Variants in FAM135B observed in about 807,000 individuals in gnomAD.
FAM135B encodes the protein family with sequence similarity 135 member B.
FAM135B carries 43 observed loss-of-function variants against 127.7 expected under a neutral mutation model. The observed-to-expected ratio is 0.34, with a 90% CI of 0.26 to 0.43. The LOEUF (loss-of-function observed/expected upper bound fraction) is 0.43. Among genes scored for constraint, FAM135B ranks in the 20% least tolerant of loss-of-function variants. The probability of loss-of-function intolerance (pLI) is 1.00; values close to 1 mark genes in which losing one functional copy is unlikely to be tolerated. For missense variants in FAM135B, 1,558 were observed against 1,725.6 expected (o/e 0.90, Z 1.72); for synonymous variants, 670 against 665.1 (o/e 1.01, Z -0.11).
At chr8:138,486,516 C>T (rs1166528676) in intron 1 of FAM135B, among the ~76,000 whole-genome samples, 3 of 152,136 alleles carry the variant, frequency 2.0e-5, no homozygotes, top group South Asian at 4.1e-4. Context: ...TTTGTTCTTC[C>T]GAGAATTGCC....
intron 18 of FAM135B, 89 bp from the exon 19 acceptor site, chr8:138,137,349 C>T (rs116180339): frequency 2.6e-6 from 2 of 755,584 alleles, no homozygotes; most frequent in African/African-American, 3.5e-5. Context: ...CCAGACTTGT[C>T]CTATAGAGAG....
chr8:138,185,779 G>A (rs1007512850), intron 9 of FAM135B, among the ~76,000 whole-genome samples: 3 of 152,170 alleles, frequency 2.0e-5, no homozygotes, highest in African/African-American at 7.2e-5. Context: ...CAGCAACATT[G>A]CTCTCCAGTT....
At chr8:138,143,479 C>G (rs1817391419) in intron 15 of FAM135B, among the ~76,000 whole-genome samples, 1 of 152,114 alleles carries the variant, frequency 6.6e-6, no homozygotes, top group South Asian at 2.1e-4. Context: ...TCACATGACC[C>G]AGCGTTCACA....
intron 2 of FAM135B, among the ~76,000 whole-genome samples, chr8:138,340,707 C>T (rs1828988339): frequency 6.6e-6 from 1 of 152,084 alleles, no homozygotes; most frequent in African/African-American, 2.4e-5. Flanking sequence ...CACATCCATC[C>T]CCTCCTCCCT....
intron 7 of FAM135B, among the ~76,000 whole-genome samples, chr8:138,198,176 G>A (rs890186814): frequency 1.3e-5 from 2 of 152,142 alleles, no homozygotes; most frequent in African/African-American, 4.8e-5. Flanking sequence ...TAAGTCTTAT[G>A]AGATCTGATG....
chr8:138,337,010 A>T (rs190300920), intron 2 of FAM135B, among the ~76,000 whole-genome samples: 27 of 152,356 alleles, frequency 1.8e-4, no homozygotes, highest in African/African-American at 6.3e-4. Flanking sequence ...CAAAAACCAT[A>T]TGATTATCTC....
intron 1 of FAM135B, among the ~76,000 whole-genome samples, chr8:138,415,183 T>A (rs1476170843): frequency 6.6e-6 from 1 of 152,148 alleles, no homozygotes; most frequent in Non-Finnish European, 1.5e-5. Flanking sequence ...TGAGGAGAAA[T>A]TCTTGATTTT....
intron 1 of FAM135B, among the ~76,000 whole-genome samples, chr8:138,483,976 T>C (rs1463567673): frequency 6.6e-6 from 1 of 152,232 alleles, no homozygotes; most frequent in East Asian, 1.9e-4. Context: ...AAAGAGCAGA[T>C]CTGCAATTTT....
At chr8:138,395,961 C>T (rs1017458157) in intron 1 of FAM135B, among the ~76,000 whole-genome samples, 5 of 152,208 alleles carry the variant, frequency 3.3e-5, no homozygotes, top group Admixed American at 1.3e-4. Flanking sequence ...TACTCGGCTG[C>T]TATCTTACAA....
chr8:138,328,788 T>C (rs2130982721), intron 2 of FAM135B, among the ~76,000 whole-genome samples: 1 of 152,304 alleles, frequency 6.6e-6, no homozygotes, highest in Non-Finnish European at 1.5e-5. Context: ...TTCCCTCCTC[T>C]GTAACATGCA....
At chr8:138,453,919 C>T (rs1335620406) in intron 1 of FAM135B, among the ~76,000 whole-genome samples, 1 of 152,048 alleles carries the variant, frequency 6.6e-6, no homozygotes, top group African/African-American at 2.4e-5. Context: ...CTTTGCTATG[C>T]TTTTGCCAAA....
rs114443640 is a variant in FAM135B, at chr8:138,238,681, T to C, written c.669+4261A>G. Among the ~76,000 whole-genome samples the C allele has an allele frequency of 4.6e-3, 702 of 152,336 alleles. 3 individuals are homozygous for C. The highest frequency in any genetic ancestry group is 0.016 in the African/African-American group (666 of 41,574). ...CCTGTTCTCTAATCCTTCCAGCTGA[T>C]GCTACAATCTGTGCGGATTCCAATG... is the stretch of plus-strand genomic sequence containing the variant. On this transcript the variant is annotated intron_variant, in intron 7 of 19. Coordinates refer to ENST00000395297, the MANE Select transcript of FAM135B (RefSeq NM_015912.4).
chr8:138,385,675 G>C (rs1832156015), intron 1 of FAM135B, among the ~76,000 whole-genome samples: 1 of 152,090 alleles, frequency 6.6e-6, no homozygotes, highest in South Asian at 2.1e-4. Context: ...AGCCAGGCAT[G>C]GTGGTGGGTG....
chr8:138,257,465 T>C (rs1227234130), intron 4 of FAM135B, among the ~76,000 whole-genome samples: 1 of 152,150 alleles, frequency 6.6e-6, no homozygotes, highest in Non-Finnish European at 1.5e-5. Context: ...CAGTTTCTCA[T>C]ATACACCTGG....
intron 1 of FAM135B, among the ~76,000 whole-genome samples, chr8:138,496,335 C>T (rs1456788887): frequency 1.3e-5 from 2 of 152,140 alleles, no homozygotes; most frequent in African/African-American, 2.4e-5. Context: ...TGAGCCTGGC[C>T]CCCGGGTTCC....
chr8:138,370,824 T>A (rs1391731510), intron 1 of FAM135B, among the ~76,000 whole-genome samples: 1 of 152,208 alleles, frequency 6.6e-6, no homozygotes, highest in East Asian at 1.9e-4. Flanking sequence ...GTCAGAAATC[T>A]AGAGCCATTT....
chr8:138,150,821 T>C (rs969546430), intron 13 of FAM135B, among the ~76,000 whole-genome samples: 6 of 152,150 alleles, frequency 3.9e-5, no homozygotes, highest in South Asian at 2.1e-4. Flanking sequence ...TTTATAAACA[T>C]AGAAAGATAT....
Position 138,443,857 on chromosome 8 carries a change from A to C in FAM135B, c.-20+52814T>G, listed in dbSNP as rs551118396. 2.0e-5 allele frequency among the ~76,000 whole-genome samples: 3 copies of C among 152,338 alleles called. No homozygotes were observed. In the East Asian group the frequency reaches 5.8e-4, roughly 29 times the overall value. Reference sequence around the variant, plus strand: ...CTCCAATTAAAAGACACAGACTGGCAAATTGGATAAAGAGTCAAGACCCAT... The same window carrying C: ...CTCCAATTAAAAGACACAGACTGGCCAATTGGATAAAGAGTCAAGACCCAT... On this transcript the variant is annotated intron_variant, in intron 1 of 19. Coordinates refer to ENST00000395297, the MANE Select transcript of FAM135B (RefSeq NM_015912.4).
At chr8:138,477,721 G>A (rs1814569409) in intron 1 of FAM135B, among the ~76,000 whole-genome samples, 1 of 152,204 alleles carries the variant, frequency 6.6e-6, no homozygotes, top group Non-Finnish European at 1.5e-5. Context: ...GTCAGTGGTG[G>A]CCATGAGGGC....
Sources: allele counts gnomAD v4.1 joint callset (sites outside exome capture counted in the v4.1 genomes callset), GRCh38; gene constraint gnomAD v4.1.1; transcripts MANE v1.5; gene names NCBI Gene and HGNC (gene_info 2026-07-23, HGNC 2026-07-21).